Variants in ABCF2 observed in about 807,000 individuals in gnomAD.
The protein encoded by ABCF2 is ATP-binding cassette sub-family F member 2.
ABCF2 carries 37 observed loss-of-function variants against 76.9 expected under a neutral mutation model. The ratio of observed to expected loss-of-function variants is 0.48; its 90% CI spans 0.37 to 0.63. The LOEUF (loss-of-function observed/expected upper bound fraction) is 0.63, where lower values mean the gene tolerates loss of function less well. Among genes scored for constraint, ABCF2 ranks in the 30% least tolerant of loss-of-function variants. The pLI is 0.00. For missense variants in ABCF2, 524 were observed against 782.1 expected (o/e 0.67, Z 3.94); for synonymous variants, 299 against 283.7 (o/e 1.05, Z -0.54).
chr7:151,222,181 G>A (rs114750720), intron 6 of ABCF2, among the ~76,000 whole-genome samples: 2,500 of 151,988 alleles, frequency 0.016, 64 homozygotes, highest in African/African-American at 0.057. Flanking sequence ...CTTTGTCACT[G>A]CATCATGATC....
At position 151,212,396 on chromosome 7, in the gene ABCF2, G is replaced by A; in HGVS notation, c.*1658C>T. ...AATTTCCTGTATCCCAATAGGAAGA[G>A]AGGTTCACAGACGTTGGTGTGAAAA... On this transcript the variant is annotated 3_prime_UTR_variant, in exon 15 of 15. Coordinates refer to ENST00000287844, the MANE Select transcript of ABCF2 (RefSeq NM_007189.3). 1 of 985,500 alleles carries A rather than the reference G, an allele frequency of 1.0e-6. No individual in the cohort carries two copies. 61.0% of individuals were successfully genotyped at this position (985,500 alleles called of 1,614,324 possible).
In ABCF2 at chr7:151,212,379, G is replaced by A. The variant is rs1246959201; in HGVS notation, c.*1675C>T. ...GACAGGTAAAAATACAAAATTTCCT[G>A]TATCCCAATAGGAAGAGAGGTTCAC... On this transcript the variant is annotated 3_prime_UTR_variant, in exon 15 of 15. Coordinates refer to ENST00000287844, the MANE Select transcript of ABCF2 (RefSeq NM_007189.3). 2.0e-6 allele frequency: 2 copies of A among 985,378 alleles called. No homozygotes were observed. The highest frequency in any genetic ancestry group is 2.4e-6 in the Non-Finnish European group (2 of 829,954). The allele number at this position is 985,378 out of a possible 1,614,324, so 61.0% of individuals were successfully genotyped here.
chr7:151,212,518 G>T lies in ABCF2; in HGVS notation c.*1536C>A, dbSNP rs1311006760. ...GCAATCTGAATTTTTTTATTTTTTT[G>T]AGACAGTGTCTCGGTCTGTCATCAG... is the stretch of plus-strand genomic sequence containing the variant. On this transcript the variant is annotated 3_prime_UTR_variant, in exon 15 of 15. Coordinates refer to ENST00000287844, the MANE Select transcript of ABCF2 (RefSeq NM_007189.3). The T allele has an allele frequency of 3.0e-6, 3 of 984,388 alleles. No individual in the cohort carries two copies. In the East Asian group the frequency reaches 3.4e-4, roughly 112 times the overall value. The allele number at this position is 984,388 out of a possible 1,614,324, so 61.0% of individuals were successfully genotyped here. A position where few individuals can be genotyped will look rare whatever the true frequency, so the allele number is the denominator to read the frequency against.
Position 151,221,687 on chromosome 7 carries a change from A to G in ABCF2, c.819-7T>C, listed in dbSNP as rs759832286. The G allele has an allele frequency of 1.9e-6, 3 of 1,596,112 alleles. No homozygotes were observed. The highest frequency in any genetic ancestry group is 1.7e-5 in the Admixed American group (1 of 59,976). On this transcript the variant is annotated splice_polypyrimidine_tract_variant and splice_region_variant and intron_variant, in intron 6 of 14. Coordinates refer to ENST00000287844, the MANE Select transcript of ABCF2 (RefSeq NM_007189.3). The stretch of plus-strand genomic sequence containing the variant: ...GACCAAGATGCGCTTAAAACTGTAA[A>G]GCCAAAGAACCAATTAGTGAAGAGC...
intron 7 of ABCF2, among the ~76,000 whole-genome samples, chr7:151,220,261 C>T (rs1480122999): frequency 8.6e-5 from 13 of 150,948 alleles, no homozygotes; most frequent in African/African-American, 2.9e-4. Flanking sequence ...TGGTGGCATG[C>T]GCCTGTAGTC....
chr7:151,218,006 C>T (rs2150573539), intron 11 of ABCF2, 75 bp downstream of exon 11: 1 of 1,131,158 alleles, frequency 8.8e-7, no homozygotes, highest in Admixed American at 1.8e-5. Context: ...GTAGTAGCCC[C>T]TGCATCACTC....
chr7:151,214,250 C>G lies in ABCF2; in HGVS notation c.1735-59G>C. 2 of 1,613,528 alleles carry G rather than the reference C, an allele frequency of 1.2e-6. No homozygotes were observed. Among genetic ancestry groups the G allele is most frequent in the Non-Finnish European group, 1.7e-6 (2 of 1,179,740 alleles). ...AGTCACTGTCCCTGCCTCTGCCCAGCAGACTGTCCTGAGGGGCGTCTAGGA... is the reference window on the plus strand; with the variant it reads ...AGTCACTGTCCCTGCCTCTGCCCAGGAGACTGTCCTGAGGGGCGTCTAGGA... On this transcript the variant is annotated intron_variant, in intron 14 of 14. Transcript: ENST00000287844. This position sits in a 1 kb window ranked among gnomAD's most constrained non-coding sequence, Gnocchi z 4.9.
At chr7:151,216,975 G>A (rs1802163896) in intron 11 of ABCF2, among the ~76,000 whole-genome samples, 1 of 152,192 alleles carries the variant, frequency 6.6e-6, no homozygotes, top group Admixed American at 6.5e-5. Context: ...AGGAATAAAT[G>A]TTTGCAAAGG....
Position 151,213,600 on chromosome 7 carries a change from CGAAG to C in ABCF2, c.*450_*453del. On this transcript the variant is annotated 3_prime_UTR_variant, in exon 15 of 15. Transcript: ENST00000287844. ...ATAATTATTTAAAAACTGACCAGGA[CGAAG>C]GTCCTGGTCCGGAGCTCCAAACCAG... 6.1e-6 allele frequency: 6 copies of C among 991,340 alleles called. No individual in the cohort carries two copies. The highest frequency in any genetic ancestry group is 7.2e-6 in the Non-Finnish European group (6 of 834,382). 61.4% of individuals were successfully genotyped at this position (991,340 alleles called of 1,614,324 possible).
chr7:151,223,364 A>G (rs6946485), intron 5 of ABCF2, among the ~76,000 whole-genome samples: 163 of 152,320 alleles, frequency 1.1e-3, no homozygotes, highest in African/African-American at 3.7e-3. Flanking sequence ...ACTAGAGTAC[A>G]AAAAGGGTGG....
rs571639383 is a variant in ABCF2 at position 151,213,696 on chromosome 7, G to T, written c.*358C>A. 8.1e-5 allele frequency: 85 copies of T among 1,043,232 alleles called. No homozygotes were observed. The highest frequency in any genetic ancestry group is 9.5e-5 in the Non-Finnish European group (83 of 869,322). 64.6% of individuals were successfully genotyped at this position (1,043,232 alleles called of 1,614,324 possible). The stretch of plus-strand genomic sequence containing the variant: ...CCAACATCACCAAAACCCAGAAAAC[G>T]AGGATCCTAAGCTCCTCCGCAGGCC... On this transcript the variant is annotated 3_prime_UTR_variant, in exon 15 of 15. Coordinates refer to ENST00000287844, the MANE Select transcript of ABCF2 (RefSeq NM_007189.3).
chr7:151,213,567 A>G lies in ABCF2; in HGVS notation c.*487T>C. ...GATGTCACGCAGGTCTAAAAGTTACACTGCTAAATAATTATTTAAAAACTG... is the reference window on the plus strand; with the variant it reads ...GATGTCACGCAGGTCTAAAAGTTACGCTGCTAAATAATTATTTAAAAACTG... On this transcript the variant is annotated 3_prime_UTR_variant, in exon 15 of 15. Coordinates refer to ENST00000287844, the MANE Select transcript of ABCF2 (RefSeq NM_007189.3). The G allele has an allele frequency of 2.0e-6, 2 of 986,730 alleles. No homozygotes were observed. Among genetic ancestry groups the G allele is most frequent in the Non-Finnish European group, 2.4e-6 (2 of 831,018 alleles). 61.1% of individuals were successfully genotyped at this position (986,730 alleles called of 1,614,324 possible).
intron 3 of ABCF2, among the ~76,000 whole-genome samples, chr7:151,224,508 TGGATTAGGGA>T (rs1044086957): frequency 1.2e-4 from 18 of 152,184 alleles, no homozygotes; most frequent in African/African-American, 4.3e-4. Flanking sequence ...TTCAGGTTTT[TGGATTAGGGA>T]TGCTCAGCCG....
chr7:151,218,778 C>T lies in ABCF2; in HGVS notation c.1113G>A (p.Leu371=), dbSNP rs535828109. 9.9e-6 allele frequency: 16 copies of T among 1,613,788 alleles called. No individual in the cohort carries two copies. The East Asian group carries it at 3.6e-4, about 36-fold the overall frequency. ...CCTTATCGCTCACGACCCTCTCTGT[C>T]AGTCCTGATGCCATCATTTTCTGTA... ...KTLQKMMASG[L]TERVVSDKTL... The change falls in exon 9 of 15, where the codon CTG becomes CTA. Residue 371 remains leucine, a synonymous_variant. Coordinates refer to ENST00000287844, the MANE Select transcript of ABCF2 (RefSeq NM_007189.3).
rs1421896925 is a variant in ABCF2, at chr7:151,213,438, G to C, written c.*616C>G. On this transcript the variant is annotated 3_prime_UTR_variant, in exon 15 of 15. Coordinates refer to ENST00000287844, the MANE Select transcript of ABCF2 (RefSeq NM_007189.3). Reference sequence around the variant, plus strand: ...CACACTGACGCTGGATCCAGCTCCTGCTGTGGGCAGTGCATGTTGGCACTG... The same window carrying C: ...CACACTGACGCTGGATCCAGCTCCTCCTGTGGGCAGTGCATGTTGGCACTG... The C allele has an allele frequency of 1.0e-6, 1 of 985,526 alleles. No individual in the cohort carries two copies. Among genetic ancestry groups the C allele is most frequent in the East Asian group, 1.1e-4 (1 of 8,820 alleles). 61.0% of individuals were successfully genotyped at this position (985,526 alleles called of 1,614,324 possible). A position where few individuals can be genotyped will look rare whatever the true frequency, so the allele number is the denominator to read the frequency against.
In ABCF2 at chr7:151,213,715, G is replaced by A. The variant is rs564088149; in HGVS notation, c.*339C>T. 1.2e-3 allele frequency: 1,298 copies of A among 1,083,270 alleles called. 2 individuals carry two copies. The highest frequency in any genetic ancestry group is 2.4e-3 in the South Asian group (71 of 29,420). 67.1% of individuals were successfully genotyped at this position (1,083,270 alleles called of 1,614,324 possible). A position where few individuals can be genotyped will look rare whatever the true frequency, so the allele number is the denominator to read the frequency against. ...GAAAACGAGGATCCTAAGCTCCTCC[G>A]CAGGCCAAATCCAGGGCTTGGGCCC... On this transcript the variant is annotated 3_prime_UTR_variant, in exon 15 of 15. Transcript: ENST00000287844.
chr7:151,224,734 G>A (rs1802338907), intron 3 of ABCF2, 42 bp downstream of exon 3: 2 of 1,536,218 alleles, frequency 1.3e-6, no homozygotes, highest in Non-Finnish European at 1.8e-6. Context: ...TGACAGATGA[G>A]CTAAGGAGAG....
chr7:151,220,774 A>C (rs367874516), intron 7 of ABCF2, among the ~76,000 whole-genome samples: 2,353 of 152,286 alleles, frequency 0.015, 36 homozygotes, highest in Middle Eastern at 0.065. Context: ...GATCACCTGA[A>C]GTCAAGAGTT....
At position 151,213,092 on chromosome 7, in the gene ABCF2, G is replaced by T; in HGVS notation, c.*962C>A. On this transcript the variant is annotated 3_prime_UTR_variant, in exon 15 of 15. Coordinates refer to ENST00000287844, the MANE Select transcript of ABCF2 (RefSeq NM_007189.3). Reference sequence around the variant, plus strand: ...ATTTTTAACAAGCAGCCCAACTGCTGTGCAGTTGGGGCAGAACCTCAGATC... The same window carrying T: ...ATTTTTAACAAGCAGCCCAACTGCTTTGCAGTTGGGGCAGAACCTCAGATC... The T allele has an allele frequency of 1.0e-6, 1 of 985,312 alleles. No homozygotes were observed. The highest frequency in any genetic ancestry group is 1.2e-6 in the Non-Finnish European group (1 of 829,850). 61.0% of individuals were successfully genotyped at this position (985,312 alleles called of 1,614,324 possible).
Sources: allele counts gnomAD v4.1 joint callset (sites outside exome capture counted in the v4.1 genomes callset), GRCh38; gene constraint gnomAD v4.1.1; non-coding constraint Gnocchi (gnomAD v3.1); transcripts MANE v1.5; gene names NCBI Gene and HGNC (gene_info 2026-07-23, HGNC 2026-07-21).